METTL8: variants seen among roughly 807,000 people sequenced by gnomAD.
The protein encoded by METTL8 is methyltransferase 8, tRNA N3-cytidine.
METTL8 carries 32 observed loss-of-function variants against 48.7 expected under a neutral mutation model. The observed-to-expected ratio is 0.66, with a 90% CI of 0.50 to 0.88. The LOEUF is 0.88. METTL8 is among the 40% of genes least tolerant of loss of function. The pLI is 0.00. For synonymous variants in METTL8, 136 were observed against 157.1 expected, an observed-to-expected ratio of 0.87 and a Z score of 1.01; for missense variants, 464 against 474.4, an observed-to-expected ratio of 0.98 and a Z score of 0.20.
chr2:171,386,394 C>G (rs1397570499), intron 2 of METTL8, among the ~76,000 whole-genome samples: 1 of 152,070 alleles, frequency 6.6e-6, no homozygotes, highest in Non-Finnish European at 1.5e-5. Flanking sequence ...ATGTGAACTA[C>G]ATACGTAGTT....
intron 2 of METTL8, among the ~76,000 whole-genome samples, chr2:171,378,240 A>C (rs1345256410): frequency 6.6e-6 from 1 of 152,260 alleles, no homozygotes; most frequent in Non-Finnish European, 1.5e-5. Context: ...GGATGGAGGA[A>C]AATTTACCAA....
chr2:171,412,424 G>A (rs1039969393), intron 1 of METTL8, among the ~76,000 whole-genome samples: 6 of 152,130 alleles, frequency 3.9e-5, no homozygotes, highest in Non-Finnish European at 5.9e-5. Context: ...CCAGAATTTG[G>A]TCACAAACTA....
intron 3 of METTL8, among the ~76,000 whole-genome samples, chr2:171,354,774 G>A (rs1216851694): frequency 8.6e-5 from 13 of 152,034 alleles, no homozygotes; most frequent in Non-Finnish European, 1.2e-4. Context: ...TTGTACATGC[G>A]TCACATAGTT....
At chr2:171,404,131 G>C (rs946769282) in intron 1 of METTL8, among the ~76,000 whole-genome samples, 9 of 131,506 alleles carry the variant, frequency 6.8e-5, no homozygotes, top group Non-Finnish European at 6.3e-5. Flanking sequence ...AGGCTTAAGA[G>C]ATTAGCAATA....
chr2:171,325,857 T>C lies in METTL8; in HGVS notation c.1017A>G (p.Ala339=), dbSNP rs1684893008. Residue 339 remains alanine (A), a synonymous_variant, in exon 9 of 10, where the codon GCA becomes GCG. Coordinates refer to ENST00000375258, the MANE Select transcript of METTL8 (RefSeq NM_001321154.2). ...TTAGCATACCTTTTGTAAAGAAATA[T>C]GCTCTGGTACCATCTCCTCGAACAT... is the stretch of plus-strand genomic sequence containing the variant. The part of the protein sequence containing the change: ...NFYVRGDGTR[A]YFFTKGEVHS... 19 of 1,590,222 alleles carry C rather than the reference T, an allele frequency of 1.2e-5. No homozygotes were observed. The highest frequency in any genetic ancestry group is 1.6e-5 in the Non-Finnish European group (19 of 1,166,230).
intron 1 of METTL8, among the ~76,000 whole-genome samples, chr2:171,430,729 T>C (rs2105687257): frequency 6.6e-6 from 1 of 152,152 alleles, no homozygotes; most frequent in East Asian, 1.9e-4. Flanking sequence ...GGGTCCCCAG[T>C]GAAACCTGAC....
chr2:171,325,027 T>G (rs993510804), intron 9 of METTL8, among the ~76,000 whole-genome samples: 1 of 143,734 alleles, frequency 7.0e-6, no homozygotes, highest in Non-Finnish European at 1.5e-5. Flanking sequence ...GAGGCTGAGG[T>G]GGGAGAATCG....
At chr2:171,337,404 A>T in intron 5 of METTL8, 49 bp downstream of exon 5, 1 of 1,393,292 alleles carries the variant, frequency 7.2e-7, no homozygotes, top group African/African-American at 1.5e-5. Context: ...ATTTCTCAAC[A>T]TTCCATAAAT....
intron 7 of METTL8, among the ~76,000 whole-genome samples, chr2:171,329,811 C>T (rs79558569): frequency 0.018 from 2,750 of 152,318 alleles, 83 homozygotes; most frequent in African/African-American, 0.056. Context: ...CTGTATCTTC[C>T]ACCAGGGAAC....
At chr2:171,375,056 C>G in intron 2 of METTL8, 1 of 1,131,256 alleles carries the variant, frequency 8.8e-7, no homozygotes, top group Non-Finnish European at 1.3e-6. Context: ...GCACAACTCA[C>G]ACAGTAATAT....
intron 1 of METTL8, among the ~76,000 whole-genome samples, chr2:171,411,771 A>T (rs1370390721): frequency 6.6e-6 from 1 of 152,230 alleles, no homozygotes; most frequent in South Asian, 2.1e-4. Flanking sequence ...ACTCTTAAAC[A>T]TGATACCAAA....
chr2:171,416,468 C>A (rs1691326415), intron 1 of METTL8, among the ~76,000 whole-genome samples: 1 of 152,188 alleles, frequency 6.6e-6, no homozygotes, highest in Non-Finnish European at 1.5e-5. Flanking sequence ...ATCCTAAAAA[C>A]TAAAGTGCTG....
intron 2 of METTL8, among the ~76,000 whole-genome samples, chr2:171,373,182 G>T (rs909085220): frequency 2.6e-5 from 4 of 152,164 alleles, no homozygotes; most frequent in African/African-American, 9.7e-5. Context: ...CATTCTAACT[G>T]GTGTGAGATG....
chr2:171,324,275 T>A lies in METTL8; in HGVS notation c.1121A>T (p.Gln374Leu). The A allele has an allele frequency of 1.3e-6, 2 of 1,551,652 alleles. No individual in the cohort carries two copies. Among genetic ancestry groups the A allele is most frequent in the Middle Eastern group, 3.4e-4 (2 of 5,958 alleles). The change falls in exon 10 of 10, where the codon CAA becomes CTA. Residue 374 changes from glutamine to leucine, a missense_variant. Coordinates refer to ENST00000375258, the MANE Select transcript of METTL8 (RefSeq NM_001321154.2). Reference protein sequence around the residue: ...DRRLQVNRKKQVKMHRVWIQG... With the variant: ...DRRLQVNRKKLVKMHRVWIQG... ...AATCCACACTCGGTGCATTTTCACTTGTTTTTTCCTATTAACTTGTAAGCG... is the reference window on the plus strand; with the variant it reads ...AATCCACACTCGGTGCATTTTCACTAGTTTTTTCCTATTAACTTGTAAGCG...
At chr2:171,432,279 A>G (rs1023869763) in intron 1 of METTL8, among the ~76,000 whole-genome samples, 1 of 152,226 alleles carries the variant, frequency 6.6e-6, no homozygotes. Context: ...AGACTACTTA[A>G]TAATGTGATA....
At chr2:171,381,599 G>A (rs1465286115) in intron 2 of METTL8, among the ~76,000 whole-genome samples, 2 of 151,978 alleles carry the variant, frequency 1.3e-5, no homozygotes, top group African/African-American at 4.8e-5. Flanking sequence ...GATATGAACA[G>A]ACACTTCTCA....
intron 9 of METTL8, among the ~76,000 whole-genome samples, chr2:171,325,121 C>CAA (rs3835041): frequency 0.26 from 19,664 of 75,596 alleles, 2,222 homozygotes; most frequent in Non-Finnish European, 0.31. Context: ...GACTCTGTCT[C>CAA]AAAAAAAAAA....
rs1684640322 is a variant in METTL8 at position 171,356,959 on chromosome 2, T to TTTTTGTTTTTTTTTTG, written c.235+3462_235+3463insCAAAAAAAAAACAAAA. On this transcript the variant is annotated intron_variant, in intron 3 of 9. Transcript: ENST00000375258. ...GCCTTGTTCAAAGACAATATTTTTTTTTTTTTTTTTGAGACAGGGTCTTAC... is the reference window on the plus strand; with the variant it reads ...GCCTTGTTCAAAGACAATATTTTTTTTTTTGTTTTTTTTTTGTTTTTTTTTTGAGACAGGGTCTTAC... Among the ~76,000 whole-genome samples, 12 of 123,200 alleles carry TTTTTGTTTTTTTTTTG rather than the reference T, an allele frequency of 9.7e-5. 1 individual carries two copies. Among genetic ancestry groups the TTTTTGTTTTTTTTTTG allele is most frequent in the Admixed American group, 8.4e-4 (10 of 11,958 alleles). 80.8% of individuals were successfully genotyped at this position (123,200 alleles called of 152,430 possible). A position where few individuals can be genotyped will look rare whatever the true frequency, so the allele number is the denominator to read the frequency against.
At chr2:171,434,118 CAAGACAGCGCAGCCTCCGCGGGCCG>C (rs1693546763), upstream of METTL8, 1 of 339,272 alleles carries the variant, frequency 2.9e-6, no homozygotes, top group Non-Finnish European at 5.8e-6. Flanking sequence ...AGCGCGCCCG[CAAGACAGCGCAGCCTCCGCGGGCCG>C]GAGGAGGCGG....
Sources: allele counts gnomAD v4.1 joint callset (sites outside exome capture counted in the v4.1 genomes callset), GRCh38; gene constraint gnomAD v4.1.1; transcripts MANE v1.5; gene names NCBI Gene and HGNC (gene_info 2026-07-23, HGNC 2026-07-21).